Variants in XYLT1 observed in about 807,000 individuals in gnomAD.
XYLT1 encodes the protein xylosyltransferase 1, also known as beta-D-xylosyltransferase 1.
In XYLT1, 36 loss-of-function variants were observed where a neutral mutation model predicts 91.3. The ratio of observed to expected loss-of-function variants is 0.39; its 90% CI spans 0.30 to 0.52. The LOEUF is 0.52. Ranked by LOEUF, XYLT1 falls within the 20% of genes least tolerant of loss-of-function variation. The pLI, the probability that XYLT1 is intolerant of heterozygous loss-of-function variation, is 0.68. For synonymous variants in XYLT1, 588 were observed against 532.0 expected (o/e 1.11, Z -1.45); for missense variants, 1,242 against 1,284.5 (o/e 0.97, Z 0.51).
chr16:17,267,456 G>A (rs2033823341), intron 2 of XYLT1, among the ~76,000 whole-genome samples: 1 of 152,254 alleles, frequency 6.6e-6, no homozygotes, highest in African/African-American at 2.4e-5. Flanking sequence ...CGCCCAGGCT[G>A]GAGTGCAGTG....
intron 1 of XYLT1, among the ~76,000 whole-genome samples, chr16:17,413,364 A>T (rs2036137196): frequency 6.6e-6 from 1 of 152,116 alleles, no homozygotes; most frequent in Non-Finnish European, 1.5e-5. Flanking sequence ...GTTTTCATAG[A>T]TAATGCATTT....
At chr16:17,379,993 G>C (rs1315384475) in intron 1 of XYLT1, among the ~76,000 whole-genome samples, 2 of 152,138 alleles carry the variant, frequency 1.3e-5, no homozygotes, top group Admixed American at 6.5e-5. Context: ...ACAATGCTAA[G>C]AGGTGGTTGG....
intron 10 of XYLT1, among the ~76,000 whole-genome samples, chr16:17,120,113 G>A (rs542229398): frequency 2.9e-4 from 44 of 152,216 alleles, no homozygotes; most frequent in Admixed American, 1.6e-3. Context: ...GGATCAGCAG[G>A]GACCAGCACC....
chr16:17,292,544 G>A (rs1211148788), intron 2 of XYLT1, among the ~76,000 whole-genome samples: 1 of 152,228 alleles, frequency 6.6e-6, no homozygotes, highest in African/African-American at 2.4e-5. Context: ...CAGAGAGGCT[G>A]GCTGATGTGG....
chr16:17,217,954 T>C (rs2032890719), intron 3 of XYLT1, among the ~76,000 whole-genome samples: 1 of 123,286 alleles, frequency 8.1e-6, no homozygotes, highest in Admixed American at 8.2e-5. Flanking sequence ...ATAATAATAA[T>C]AATAAAAAAA....
intron 2 of XYLT1, among the ~76,000 whole-genome samples, chr16:17,336,968 A>G (rs188182245): frequency 4.3e-4 from 66 of 152,306 alleles, no homozygotes; most frequent in African/African-American, 1.5e-3. Context: ...CTGCAACACA[A>G]TATTTGGTGG....
intron 3 of XYLT1, among the ~76,000 whole-genome samples, chr16:17,209,233 C>CAT (rs2032714144): frequency 6.6e-6 from 1 of 152,228 alleles, no homozygotes; most frequent in African/African-American, 2.4e-5. Context: ...TAAGGAACCT[C>CAT]ATGTAAGTGA....
Position 17,198,280 on chromosome 16 carries a change from G to A in XYLT1, c.1221C>T (p.Asp407=). The change falls in exon 5 of 12, where the codon GAC becomes GAT. Residue 407 remains aspartate (D), a synonymous_variant. Transcript: ENST00000261381. ...AGGGCCAGTCGGTCATCTCCAGGAG[G>A]TCCCGCATGCTCTGCAGGTAGGTGG... ...LLSTYLQSMR[D]LLEMTDWPWD... The A allele has an allele frequency of 1.2e-6, 2 of 1,614,192 alleles. No homozygotes were observed. The highest frequency in any genetic ancestry group is 2.2e-5 in the East Asian group (1 of 44,878).
rs1267809236 is a variant in XYLT1, at chr16:17,117,935, A to G, written c.2268T>C (p.Phe756=). 3.1e-6 allele frequency: 5 copies of G among 1,613,630 alleles called. No homozygotes were observed. The highest frequency in any genetic ancestry group is 4.2e-6 in the Non-Finnish European group (5 of 1,179,734). Residue 756 remains phenylalanine, a synonymous_variant, in exon 11 of 12, where the codon TTT becomes TTC. Coordinates refer to ENST00000261381, the MANE Select transcript of XYLT1 (RefSeq NM_022166.4). ...CATCCATGGGCCCCAGAAGACCCCC[A>G]AAGTTGCGGAATAGCCTCTCCTTGG... ...WDAKERLFRN[F]GGLLGPMDEP...
At chr16:17,148,654 A>G (rs1317516145) in intron 6 of XYLT1, among the ~76,000 whole-genome samples, 1 of 152,204 alleles carries the variant, frequency 6.6e-6, no homozygotes, top group Admixed American at 6.5e-5. Flanking sequence ...AAGTTATGTA[A>G]CTTTCCCAAG....
intron 6 of XYLT1, among the ~76,000 whole-genome samples, chr16:17,147,788 A>G (rs900227734): frequency 2.0e-5 from 3 of 152,298 alleles, no homozygotes; most frequent in Admixed American, 6.5e-5. Context: ...CTTTACCATA[A>G]CTTGAAAAGG....
intron 1 of XYLT1, among the ~76,000 whole-genome samples, chr16:17,398,871 G>A (rs2035926635): frequency 7.9e-6 from 1 of 127,358 alleles, no homozygotes; most frequent in South Asian, 2.3e-4. Flanking sequence ...TTTTGGCAGA[G>A]TCTTGCTCTG....
chr16:17,210,971 T>G (rs1016329782), intron 3 of XYLT1, among the ~76,000 whole-genome samples: 1 of 152,252 alleles, frequency 6.6e-6, no homozygotes, highest in Non-Finnish European at 1.5e-5. Context: ...TAGCACTGAA[T>G]GCCATTGTTT....
chr16:17,405,727 T>C (rs1567191643), intron 1 of XYLT1, among the ~76,000 whole-genome samples: 1 of 151,964 alleles, frequency 6.6e-6, no homozygotes, highest in Non-Finnish European at 1.5e-5. Flanking sequence ...AACCTCAAGG[T>C]AGGACGAGAA....
At chr16:17,190,236 A>G (rs2032278278) in intron 5 of XYLT1, among the ~76,000 whole-genome samples, 2 of 152,194 alleles carry the variant, frequency 1.3e-5, no homozygotes, top group African/African-American at 4.8e-5. Context: ...CTGTGAATGT[A>G]CTGAATGCCA....
chr16:17,284,880 T>G (rs907955899), intron 2 of XYLT1, among the ~76,000 whole-genome samples: 3 of 152,152 alleles, frequency 2.0e-5, no homozygotes, highest in Admixed American at 6.5e-5. Context: ...ATATGGAGAA[T>G]AGACTCATAC....
At chr16:17,316,387 T>C (rs557207851) in intron 2 of XYLT1, among the ~76,000 whole-genome samples, 1 of 152,142 alleles carries the variant, frequency 6.6e-6, no homozygotes, top group African/African-American at 2.4e-5. Context: ...TAGGACCCCC[T>C]GCTTTTTATT....
intron 6 of XYLT1, among the ~76,000 whole-genome samples, chr16:17,155,302 G>A (rs1299634955): frequency 6.6e-6 from 1 of 152,172 alleles, no homozygotes; most frequent in East Asian, 1.9e-4. Flanking sequence ...TCCCCACCCA[G>A]TGCCAGAAAA....
rs1458202301 is a variant in XYLT1 at position 17,105,606 on chromosome 16, A to AAACTAT, written c.*3083_*3088dup. On this transcript the variant is annotated 3_prime_UTR_variant, in exon 12 of 12. Coordinates refer to ENST00000261381, the MANE Select transcript of XYLT1 (RefSeq NM_022166.4). ...GCCTGAATGTCACTCGGTGGGTGGG[A>AAACTAT]AACTATAAGGAGTGCCGCAGCCTAA... The AAACTAT allele has an allele frequency of 6.6e-6, 1 of 151,928 alleles. No individual in the cohort carries two copies. Among genetic ancestry groups the AAACTAT allele is most frequent in the African/African-American group, 2.4e-5 (1 of 41,342 alleles). The allele number at this position is 151,928 out of a possible 1,614,324, so 9.4% of individuals were successfully genotyped here. A position where few individuals can be genotyped will look rare whatever the true frequency, so the allele number is the denominator to read the frequency against.
Sources: gnomAD v4.1 joint callset for allele counts (sites outside exome capture counted in the v4.1 genomes callset) on GRCh38, gnomAD v4.1.1 for gene constraint, MANE v1.5 for transcripts, NCBI Gene and HGNC (gene_info 2026-07-23, HGNC 2026-07-21) for gene names.